The following A2M variants were observed in gnomAD, a reference collection of about 807,000 sequenced individuals.
A2M encodes alpha-2-macroglobulin.
Under a neutral mutation model 183.9 loss-of-function variants are expected in A2M, and 128 were observed. That is an observed-to-expected ratio of 0.70 (90% CI 0.60 to 0.81). The LOEUF (loss-of-function observed/expected upper bound fraction) is 0.81. Ranked by LOEUF, A2M falls within the 30% of genes least tolerant of loss-of-function variation. The pLI, the probability that A2M is intolerant of heterozygous loss-of-function variation, is 0.00. For missense variants in A2M, 1,495 were observed against 1,787.6 expected, an observed-to-expected ratio of 0.84 and a Z score of 2.95; for synonymous variants, 592 against 670.8, an observed-to-expected ratio of 0.88 and a Z score of 1.81.
At chr12:9,108,255 A>T (rs1360409575) in intron 7 of A2M, among the ~76,000 whole-genome samples, 1 of 152,078 alleles carries the variant, frequency 6.6e-6, no homozygotes, top group Non-Finnish European at 1.5e-5. Flanking sequence ...CTTCCCAAGT[A>T]GCTGGGACTA....
At position 9,098,633 on chromosome 12, in the gene A2M, G is replaced by A. The variant is rs777262426; in HGVS notation, c.1825C>T (p.Pro609Ser). Residue 609 changes from proline to serine, a missense_variant, in exon 15 of 36, where the codon CCT becomes TCT. Pro to Ser is a moderately conservative substitution (Grantham distance 74). Transcript: ENST00000318602. ...GAGGACGCCGAGAGCTCAGCATCAGGCTTCATGAGCAGCACGCTTTGGTCC... is the reference window on the plus strand; with the variant it reads ...GAGGACGCCGAGAGCTCAGCATCAGACTTCATGAGCAGCACGCTTTGGTCC... ...AVDQSVLLMK[P>S]DAELSASSVY... 3 of 1,607,398 alleles carry A rather than the reference G, an allele frequency of 1.9e-6. No individual in the cohort carries two copies. The highest frequency in any genetic ancestry group is 1.1e-5 in the South Asian group (1 of 89,306).
chr12:9,071,431 A>AAT (rs915053068), intron 31 of A2M, among the ~76,000 whole-genome samples: 85 of 151,514 alleles, frequency 5.6e-4, no homozygotes, highest in African/African-American at 1.8e-3. Context: ...AAATGAAAAA[A>AAT]ATATATATAT....
chr12:9,087,603 A>G (rs1174042833), intron 22 of A2M, among the ~76,000 whole-genome samples: 1 of 152,116 alleles, frequency 6.6e-6, no homozygotes, highest in Admixed American at 6.6e-5. Context: ...CATGGTGAAT[A>G]TAGTTAATAA....
In A2M at chr12:9,079,655, A is replaced by G. The variant is rs1328899514; in HGVS notation, c.3015T>C (p.Ile1005=). 5.0e-6 allele frequency: 8 copies of G among 1,613,234 alleles called. No individual in the cohort carries two copies. The highest frequency in any genetic ancestry group is 1.3e-5 in the African/African-American group (1 of 74,912). ...QLTPEIKSKA[I]GYLNTGYQRQ... is the part of the protein sequence containing the mutation. Reference sequence around the variant, plus strand: ...ATCACTCACCAGTGTTGAGATAGCCAATGGCCTTGGACTTGATCTCTGGAG... The same window carrying G: ...ATCACTCACCAGTGTTGAGATAGCCGATGGCCTTGGACTTGATCTCTGGAG... Residue 1005 remains isoleucine, a synonymous_variant, in exon 24 of 36, where the codon ATT becomes ATC. Coordinates refer to ENST00000318602, the MANE Select transcript of A2M (RefSeq NM_000014.6).
chr12:9,098,073 A>AT (rs1399138958), intron 15 of A2M, among the ~76,000 whole-genome samples: 4 of 152,194 alleles, frequency 2.6e-5, no homozygotes, highest in African/African-American at 7.2e-5. Flanking sequence ...GAGCTCTGGG[A>AT]TTTTAAGGAC....
chr12:9,113,105 C>CTTT (rs11463805), intron 2 of A2M, among the ~76,000 whole-genome samples: 1 of 143,852 alleles, frequency 7.0e-6, no homozygotes. Context: ...GTCACATTTT[C>CTTT]TTTTTTTTTT....
Position 9,079,232 on chromosome 12 carries a change from T to C in A2M, c.3119+12A>G. ...ACACAAAAAGAAGCTCAAAAAATTG[T>C]TCTTTCCTTACCAGGTGTTGCCCTG... is the stretch of plus-strand genomic sequence containing the variant. On this transcript the variant is annotated intron_variant, in intron 25 of 35. Coordinates refer to ENST00000318602, the MANE Select transcript of A2M (RefSeq NM_000014.6). 1 of 1,610,902 alleles carries C rather than the reference T, an allele frequency of 6.2e-7. No individual in the cohort carries two copies. Among genetic ancestry groups the C allele is most frequent in the South Asian group, 1.1e-5 (1 of 90,628 alleles).
chr12:9,070,561 G>C lies in A2M; in HGVS notation c.4121C>G (p.Ser1374Cys), dbSNP rs1592325883. 6.2e-7 allele frequency: 1 copy of C among 1,613,636 alleles called. No individual in the cohort carries two copies. Among genetic ancestry groups the C allele is most frequent in the East Asian group, 2.2e-5 (1 of 44,886 alleles). The part of the protein sequence containing the change: ...SLSVSYTGSR[S>C]ASNMAIVDVK... ...ATCAACGATCGCCATGTTGGAGGCA[G>C]AGCGGCTCCCTGTGTAACTGAGGAT... is the stretch of plus-strand genomic sequence containing the variant. Residue 1374 changes from serine to cysteine, a missense_variant, in exon 32 of 36, where the codon TCT becomes TGT. Ser to Cys is a moderately radical substitution (Grantham distance 112). Transcript: ENST00000318602.
intron 33 of A2M, among the ~76,000 whole-genome samples, chr12:9,069,467 C>A (rs16917969): frequency 0.02 from 3,063 of 152,094 alleles, 100 homozygotes; most frequent in African/African-American, 0.068. Context: ...ACTGGGTATC[C>A]AAAAAACTTG....
Position 9,080,106 on chromosome 12 carries a change from C to G in A2M, c.2842G>C (p.Val948Leu), listed in dbSNP as rs191056902. The G allele has an allele frequency of 1.9e-6, 3 of 1,586,026 alleles. No homozygotes were observed. The highest frequency in any genetic ancestry group is 1.8e-5 in the Admixed American group (1 of 56,624). The stretch of plus-strand genomic sequence containing the variant: ...GCTGGAGACTCACCCAAAACTGAGA[C>G]AGAAGCTCGGGCAGATTCTTCTACC... Reference protein sequence around the residue: ...NVVEESARASVSVLGDILGSA... With the variant: ...NVVEESARASLSVLGDILGSA... Residue 948 changes from valine (V) to leucine (L), a missense_variant, in exon 23 of 36, where the codon GTC becomes CTC. Transcript: ENST00000318602.
intron 17 of A2M, 75 bp from the exon 18 acceptor site, chr12:9,093,654 CA>C (rs75521813): frequency 0.057 from 28,793 of 501,212 alleles, 1 homozygote; most frequent in South Asian, 0.071. Flanking sequence ...TAGTTGCCAC[CA>C]AAAAAAAAAA....
rs947413195 is a variant in A2M, at chr12:9,113,621, A to G, written c.87-78T>C. The G allele has an allele frequency of 1.2e-5, 17 of 1,375,634 alleles. No homozygotes were observed. The African/African-American group carries it at 2.2e-4, about 17-fold the overall frequency. 85.2% of individuals were successfully genotyped at this position (1,375,634 alleles called of 1,614,324 possible). On this transcript the variant is annotated intron_variant, in intron 1 of 35. Transcript: ENST00000318602. ...ATCAACAGCACTTTTTTCCATCATC[A>G]TAATTATCATCATCAGTTCTACACC... is the stretch of plus-strand genomic sequence containing the variant.
intron 11 of A2M, 88 bp downstream of exon 11, chr12:9,104,151 G>T: frequency 7.4e-7 from 1 of 1,346,818 alleles, no homozygotes; most frequent in Non-Finnish European, 1.0e-6. Flanking sequence ...CATAGAACTA[G>T]ACACAGTTTG....
intron 15 of A2M, 29 bp downstream of exon 15, chr12:9,098,578 C>A: frequency 6.3e-7 from 1 of 1,575,876 alleles, no homozygotes; most frequent in Non-Finnish European, 8.6e-7. Flanking sequence ...CACGGCCCTT[C>A]TTGATTCCTG....
rs111920544 is a variant in A2M, at chr12:9,067,847, A to G, written c.4409-8T>C. On this transcript the variant is annotated splice_region_variant and splice_polypyrimidine_tract_variant and intron_variant, in intron 35 of 35. Coordinates refer to ENST00000318602, the MANE Select transcript of A2M (RefSeq NM_000014.6). The stretch of plus-strand genomic sequence containing the variant: ...TTCAAGCATTTCCAAGATCTGTGAC[A>G]TTGGAAAGAAAAAAAATTAAGACAG... The G allele has an allele frequency of 1.2e-6, 2 of 1,611,656 alleles. No individual in the cohort carries two copies. Among genetic ancestry groups the G allele is most frequent in the Non-Finnish European group, 8.5e-7 (1 of 1,178,858 alleles).
chr12:9,070,971 C>A (rs1262085173), intron 31 of A2M, among the ~76,000 whole-genome samples: 1 of 152,176 alleles, frequency 6.6e-6, no homozygotes, highest in East Asian at 1.9e-4. Context: ...CAGGCATGCA[C>A]CACCACGTCC....
chr12:9,095,475 T>C (rs945593125), intron 16 of A2M, 64 bp downstream of exon 16: 2 of 1,493,476 alleles, frequency 1.3e-6, no homozygotes, highest in African/African-American at 2.8e-5. Flanking sequence ...AAATACAGAC[T>C]CTTTTCCATG....
chr12:9,070,803 T>C (rs2137632420), intron 31 of A2M, among the ~76,000 whole-genome samples: 1 of 150,814 alleles, frequency 6.6e-6, no homozygotes, highest in Non-Finnish European at 1.5e-5. Flanking sequence ...GAATGTCTAG[T>C]GTATGGGGGC....
chr12:9,089,157 G>A, intron 22 of A2M, 43 bp downstream of exon 22: 3 of 1,410,078 alleles, frequency 2.1e-6, no homozygotes, highest in Non-Finnish European at 2.9e-6. Flanking sequence ...AACTTTAAAT[G>A]TTAGACTTTA....
Sources: gnomAD v4.1 joint callset for allele counts (sites outside exome capture counted in the v4.1 genomes callset) on GRCh38, gnomAD v4.1.1 for gene constraint, MANE v1.5 for transcripts, NCBI Gene and HGNC (gene_info 2026-07-23, HGNC 2026-07-21) for gene names.